SH3RF3: variants seen among roughly 807,000 people sequenced by gnomAD.
SH3RF3 encodes E3 ubiquitin-protein ligase SH3RF3.
Under a neutral mutation model 66.3 loss-of-function variants are expected in SH3RF3, and 29 were observed. The ratio of observed to expected loss-of-function variants is 0.44; its 90% CI spans 0.33 to 0.60. SH3RF3 has a LOEUF of 0.60. Among genes scored for constraint, SH3RF3 ranks in the 20% least tolerant of loss-of-function variants. SH3RF3 has a pLI of 0.04. For synonymous variants in SH3RF3, 583 were observed against 532.0 expected, an observed-to-expected ratio of 1.10 and a Z score of -1.32; for missense variants, 1,194 against 1,190.9, an observed-to-expected ratio of 1.00 and a Z score of -0.04.
intron 1 of SH3RF3, among the ~76,000 whole-genome samples, chr2:109,294,657 A>G (rs967797361): frequency 1.3e-5 from 2 of 150,892 alleles, no homozygotes; most frequent in African/African-American, 4.9e-5. Context: ...CATAGGCTTG[A>G]GCACCCTGCT....
At chr2:109,157,266 A>C (rs1334824901) in intron 1 of SH3RF3, among the ~76,000 whole-genome samples, 3 of 152,230 alleles carry the variant, frequency 2.0e-5, no homozygotes, top group Non-Finnish European at 4.4e-5. Context: ...CAGTCAGGCC[A>C]GCAGAGAGCC....
intron 4 of SH3RF3, among the ~76,000 whole-genome samples, chr2:109,406,758 A>G (rs1461114969): frequency 6.6e-6 from 1 of 152,212 alleles, no homozygotes; most frequent in Non-Finnish European, 1.5e-5. Context: ...CTCCTGGTGT[A>G]GAATGTCTCC....
chr2:109,386,716 C>T (rs747737532), intron 3 of SH3RF3, among the ~76,000 whole-genome samples: 4 of 152,190 alleles, frequency 2.6e-5, no homozygotes, highest in Non-Finnish European at 5.9e-5. Context: ...GTGTCCCCCT[C>T]AGCTGGTGGC....
intron 1 of SH3RF3, among the ~76,000 whole-genome samples, chr2:109,298,656 C>T (rs1681384966): frequency 6.6e-6 from 1 of 152,118 alleles, no homozygotes; most frequent in Non-Finnish European, 1.5e-5. Context: ...CCGTTCCGTG[C>T]TCCCTCTGGC....
chr2:109,151,581 GA>G (rs955978940), intron 1 of SH3RF3, among the ~76,000 whole-genome samples: 25 of 152,218 alleles, frequency 1.6e-4, no homozygotes, highest in African/African-American at 4.8e-4. Flanking sequence ...TAGTTACTAT[GA>G]AAACTTATTA....
At chr2:109,453,853 C>T (rs1456794987) in intron 8 of SH3RF3, among the ~76,000 whole-genome samples, 3 of 152,136 alleles carry the variant, frequency 2.0e-5, no homozygotes, top group Non-Finnish European at 4.4e-5. Flanking sequence ...TCCCGGGGCA[C>T]AGATGGGAGG....
chr2:109,437,249 G>A (rs987953649), intron 7 of SH3RF3, 103 bp downstream of exon 7: 12 of 1,440,928 alleles, frequency 8.3e-6, no homozygotes, highest in Admixed American at 2.7e-5. Context: ...GTGCATGTGT[G>A]GCTGGTGGCA....
chr2:109,452,767 G>A (rs1677917141), intron 8 of SH3RF3, among the ~76,000 whole-genome samples: 1 of 151,482 alleles, frequency 6.6e-6, no homozygotes, highest in Non-Finnish European at 1.5e-5. Flanking sequence ...GTGCTGGCAG[G>A]CTGGTCCCAG....
intron 5 of SH3RF3, among the ~76,000 whole-genome samples, chr2:109,431,231 A>T (rs933756144): frequency 6.6e-6 from 1 of 152,214 alleles, no homozygotes; most frequent in Non-Finnish European, 1.5e-5. Flanking sequence ...GCCGCTGGAT[A>T]GGGTCAGCAT....
At chr2:109,197,362 CT>C (rs1678531995) in intron 1 of SH3RF3, among the ~76,000 whole-genome samples, 1 of 152,200 alleles carries the variant, frequency 6.6e-6, no homozygotes, top group African/African-American at 2.4e-5. Flanking sequence ...GCCAGACCCA[CT>C]TGGACTTCAG....
At chr2:109,447,147 T>TAAAAAAAAAAAAAAAAAAAAAA (rs61240132) in intron 7 of SH3RF3, among the ~76,000 whole-genome samples, 1 of 82,702 alleles carries the variant, frequency 1.2e-5, no homozygotes. Flanking sequence ...CCTGAATATT[T>TAAAAAAAAAAAAAAAAAAAAAA]AAAAAAAAAA....
intron 2 of SH3RF3, among the ~76,000 whole-genome samples, chr2:109,368,314 C>T (rs1683188057): frequency 6.6e-6 from 1 of 152,160 alleles, no homozygotes; most frequent in African/African-American, 2.4e-5. Context: ...TCTTTGTTAT[C>T]ATACCTTGAA....
intron 1 of SH3RF3, among the ~76,000 whole-genome samples, chr2:109,243,526 G>A (rs912187238): frequency 6.6e-6 from 1 of 152,176 alleles, no homozygotes; most frequent in African/African-American, 2.4e-5. Flanking sequence ...AGATGGGGCA[G>A]GTGACATACA....
chr2:109,406,796 C>T (rs1676462918), intron 4 of SH3RF3, among the ~76,000 whole-genome samples: 2 of 152,148 alleles, frequency 1.3e-5, no homozygotes, highest in South Asian at 4.1e-4. Context: ...AGAAATGAAG[C>T]AACCAGTGCA....
intron 1 of SH3RF3, among the ~76,000 whole-genome samples, chr2:109,164,894 T>C (rs1013744602): frequency 2.6e-5 from 4 of 152,236 alleles, no homozygotes; most frequent in Non-Finnish European, 1.5e-5. Context: ...AAGGCACTTA[T>C]GGATGATGGT....
intron 1 of SH3RF3, among the ~76,000 whole-genome samples, chr2:109,284,899 C>G (rs142705354): frequency 1.3e-4 from 20 of 152,360 alleles, no homozygotes; most frequent in Non-Finnish European, 2.9e-4. Flanking sequence ...AAAATCCACA[C>G]TGGGCTCGTC....
rs367649506 is a variant in SH3RF3, at chr2:109,305,915, GGCTGCTCCTCCA to G, written c.574-41741_574-41730del. ...GAGTTCCCCTGAGCTCTGCCCTTTG[GGCTGCTCCTCCA>G]GCTGCTCCTCCAGCTGCCCCTTCCT... On this transcript the variant is annotated intron_variant, in intron 1 of 9. Coordinates refer to ENST00000309415, the MANE Select transcript of SH3RF3 (RefSeq NM_001099289.3). 6.8e-3 allele frequency among the ~76,000 whole-genome samples: 1,035 copies of G among 152,244 alleles called. 11 individuals are homozygous for G. Among genetic ancestry groups the G allele is most frequent in the African/African-American group, 0.023 (959 of 41,524 alleles).
chr2:109,160,928 G>A (rs561316711), intron 1 of SH3RF3, among the ~76,000 whole-genome samples: 3 of 152,288 alleles, frequency 2.0e-5, no homozygotes, highest in South Asian at 2.1e-4. Context: ...GAGGATTAGA[G>A]CCTCAACCAG....
At chr2:109,307,213 A>G (rs1681616984) in intron 1 of SH3RF3, among the ~76,000 whole-genome samples, 1 of 152,200 alleles carries the variant, frequency 6.6e-6, no homozygotes, top group Non-Finnish European at 1.5e-5. Flanking sequence ...TGAAAATTGA[A>G]TATTCATAAT....
Sources: gnomAD v4.1 joint callset for allele counts (sites outside exome capture counted in the v4.1 genomes callset) on GRCh38, gnomAD v4.1.1 for gene constraint, MANE v1.5 for transcripts, NCBI Gene and HGNC (gene_info 2026-07-23, HGNC 2026-07-21) for gene names.